Variants in ATG7 observed in about 807,000 individuals in gnomAD.
ATG7 encodes the protein autophagy related 7, also known as ubiquitin-like modifier-activating enzyme ATG7.
In ATG7, 70 loss-of-function variants were observed where a neutral mutation model predicts 82.4. The ratio of observed to expected loss-of-function variants is 0.85; its 90% CI spans 0.70 to 1.04. The LOEUF (loss-of-function observed/expected upper bound fraction) is 1.04. ATG7 is among the 50% of genes least tolerant of loss of function. ATG7 has a pLI of 0.00. For missense variants in ATG7, 792 were observed against 864.3 expected, an observed-to-expected ratio of 0.92 and a Z score of 1.05; for synonymous variants, 287 against 313.0, an observed-to-expected ratio of 0.92 and a Z score of 0.88.
intron 19 of ATG7, among the ~76,000 whole-genome samples, chr3:11,383,662 C>A (rs1280697801): frequency 6.6e-6 from 1 of 152,142 alleles, no homozygotes; most frequent in Non-Finnish European, 1.5e-5. Context: ...ATTGGCCAGG[C>A]TGGTCTCTAA....
At chr3:11,402,208 G>T (rs2079902682) in intron 19 of ATG7, among the ~76,000 whole-genome samples, 1 of 152,202 alleles carries the variant, frequency 6.6e-6, no homozygotes, top group Admixed American at 6.5e-5. Context: ...AAGGCAGGCA[G>T]ATCACTTGAG....
At chr3:11,553,243 AC>A (rs1205422398) in intron 20 of ATG7, among the ~76,000 whole-genome samples, 7 of 150,526 alleles carry the variant, frequency 4.7e-5, no homozygotes, top group Non-Finnish European at 1.0e-4. Flanking sequence ...CAATTGCCTT[AC>A]CTCTCTGGGC....
chr3:11,386,195 G>A (rs1214064258), intron 19 of ATG7, among the ~76,000 whole-genome samples: 2 of 152,182 alleles, frequency 1.3e-5, no homozygotes, highest in African/African-American at 4.8e-5. Context: ...CAGTGAGTCA[G>A]TTGAATGAGA....
intron 20 of ATG7, among the ~76,000 whole-genome samples, chr3:11,532,354 C>T (rs187219758): frequency 1.8e-4 from 28 of 151,998 alleles, no homozygotes; most frequent in East Asian, 5.8e-4. Flanking sequence ...GAGGAGGAAA[C>T]GGAGGAGGAC....
chr3:11,516,123 TG>T (rs2092274140), intron 20 of ATG7, among the ~76,000 whole-genome samples: 1 of 151,838 alleles, frequency 6.6e-6, no homozygotes, highest in Admixed American at 6.6e-5. Context: ...TGTTAGTTTC[TG>T]GGGACTCTGA....
At chr3:11,437,932 C>G (rs752774842) in intron 20 of ATG7, among the ~76,000 whole-genome samples, 2 of 152,130 alleles carry the variant, frequency 1.3e-5, no homozygotes, top group Non-Finnish European at 2.9e-5. Context: ...AGTACATGTC[C>G]GAATTTTCCC....
chr3:11,433,177 T>C (rs536076972), intron 20 of ATG7, among the ~76,000 whole-genome samples: 3 of 150,804 alleles, frequency 2.0e-5, no homozygotes, highest in African/African-American at 7.3e-5. Context: ...CAGCTACTTA[T>C]AATGCTGAGG....
intron 19 of ATG7, among the ~76,000 whole-genome samples, chr3:11,413,752 A>G (rs1272736753): frequency 6.6e-6 from 1 of 152,190 alleles, no homozygotes; most frequent in East Asian, 1.9e-4. Flanking sequence ...TCATAGAATG[A>G]CTTAGGAAGT....
At chr3:11,572,550 G>A in the ATG7 span, among the ~76,000 whole-genome samples, 16 of 152,160 alleles carry the variant, frequency 1.1e-4, no homozygotes, top group East Asian at 2.5e-3. Context: ...CCCTCTCTTC[G>A]TCCCCTGGGG....
chr3:11,317,125 C>G (rs1231109003), intron 9 of ATG7, among the ~76,000 whole-genome samples: 1 of 152,148 alleles, frequency 6.6e-6, no homozygotes, highest in Non-Finnish European at 1.5e-5. Flanking sequence ...CAGGCGTGAG[C>G]CACCACTCCT....
chr3:11,280,630 T>A (rs1942880730), intron 1 of ATG7, among the ~76,000 whole-genome samples: 1 of 152,232 alleles, frequency 6.6e-6, no homozygotes, highest in African/African-American at 2.4e-5. Flanking sequence ...GAATCTTTTT[T>A]TATCCTGAAT....
At chr3:11,363,327 C>T (rs971978087) in intron 17 of ATG7, among the ~76,000 whole-genome samples, 1 of 151,888 alleles carries the variant, frequency 6.6e-6, no homozygotes, top group Non-Finnish European at 1.5e-5. Flanking sequence ...ACTGCAACCT[C>T]TGCCTTCTAG....
chr3:11,299,230 A>G (rs1344235259), intron 4 of ATG7, 132 bp from the exon 5 acceptor site: 3 of 801,736 alleles, frequency 3.7e-6, no homozygotes, highest in Non-Finnish European at 6.3e-6. Context: ...TTATCTATGT[A>G]GCATAGATAA....
chr3:11,318,398 C>G (rs1340331988), intron 9 of ATG7, among the ~76,000 whole-genome samples: 1 of 152,182 alleles, frequency 6.6e-6, no homozygotes, highest in African/African-American at 2.4e-5. Flanking sequence ...AAGATAAGTT[C>G]AGAGAATTGA....
chr3:11,494,234 G>T (rs1372707044), intron 20 of ATG7, among the ~76,000 whole-genome samples: 3 of 152,174 alleles, frequency 2.0e-5, no homozygotes, highest in African/African-American at 7.2e-5. Context: ...GAAACTACAT[G>T]CAGGAAAACA....
chr3:11,389,118 C>T (rs113337717), intron 19 of ATG7, among the ~76,000 whole-genome samples: 2 of 150,960 alleles, frequency 1.3e-5, no homozygotes, highest in African/African-American at 4.9e-5. Context: ...CTTGTAATCC[C>T]AGCTACTTGG....
At chr3:11,532,529 C>G (rs1385426627) in intron 20 of ATG7, among the ~76,000 whole-genome samples, 3 of 152,114 alleles carry the variant, frequency 2.0e-5, no homozygotes, top group Non-Finnish European at 4.4e-5. Context: ...TAGAGACCAG[C>G]CTGGGCAACA....
At position 11,451,916 on chromosome 3, in the gene ATG7, C is replaced by CAG. The variant is rs2085217264; in HGVS notation, c.2079+24991_2079+24992insGA. The stretch of plus-strand genomic sequence containing the variant: ...ACACACACACAGACACACACACACA[C>CAG]ACATATACATATCTCTTAAATGAGA... On this transcript the variant is annotated intron_variant, in intron 20 of 20. Transcript: ENST00000693202. Among the ~76,000 whole-genome samples the CAG allele has an allele frequency of 5.3e-5, 8 of 151,228 alleles. No individual in the cohort carries two copies. In the East Asian group the frequency reaches 5.8e-4, roughly 11 times the overall value.
intron 20 of ATG7, among the ~76,000 whole-genome samples, chr3:11,502,193 G>A (rs983017367): frequency 9.3e-5 from 14 of 151,008 alleles, no homozygotes; most frequent in South Asian, 6.3e-4. Flanking sequence ...GGACAAGAAC[G>A]TTAAATTCTT....
Sources: gnomAD v4.1 joint callset for allele counts (sites outside exome capture counted in the v4.1 genomes callset) on GRCh38, gnomAD v4.1.1 for gene constraint, MANE v1.5 for transcripts, NCBI Gene and HGNC (gene_info 2026-07-23, HGNC 2026-07-21) for gene names.